Variants in LHFPL2 observed in about 807,000 individuals in gnomAD.
The protein encoded by LHFPL2 is LHFPL tetraspan subfamily member 2 protein.
Under a neutral mutation model 17.5 loss-of-function variants are expected in LHFPL2, and 7 were observed. The observed-to-expected ratio is 0.40, with a 90% confidence interval of 0.23 to 0.75. The LOEUF (loss-of-function observed/expected upper bound fraction) is 0.75. Ranked by LOEUF, LHFPL2 falls within the 30% of genes least tolerant of loss-of-function variation. The pLI is 0.37. For missense variants in LHFPL2, 241 were observed against 294.8 expected (o/e 0.82, Z 1.34); for synonymous variants, 134 against 116.2 (o/e 1.15, Z -0.99).
At chr5:78,493,960 A>G (rs1199657599) in intron 4 of LHFPL2, among the ~76,000 whole-genome samples, 2 of 152,206 alleles carry the variant, frequency 1.3e-5, no homozygotes, top group Non-Finnish European at 2.9e-5. Context: ...GGTTACGTCC[A>G]GAGGCCAAAT....
At chr5:78,528,549 G>C (rs1451609398) in intron 3 of LHFPL2, among the ~76,000 whole-genome samples, 1 of 152,158 alleles carries the variant, frequency 6.6e-6, no homozygotes, top group Non-Finnish European at 1.5e-5. Context: ...GTGCCAAAAA[G>C]GTTGGGGACC....
At chr5:78,634,054 T>A (rs144799098) in intron 1 of LHFPL2, among the ~76,000 whole-genome samples, 1 of 152,270 alleles carries the variant, frequency 6.6e-6, no homozygotes, top group East Asian at 1.9e-4. Flanking sequence ...AGAGCCCAGT[T>A]TATCTGCCTC....
At chr5:78,502,063 C>A (rs1754792518) in intron 4 of LHFPL2, among the ~76,000 whole-genome samples, 1 of 151,884 alleles carries the variant, frequency 6.6e-6, no homozygotes, top group Admixed American at 6.6e-5. Context: ...GTAAGATATC[C>A]ATTTTCTACT....
chr5:78,578,936 G>C (rs772680076), intron 2 of LHFPL2, among the ~76,000 whole-genome samples: 1 of 152,200 alleles, frequency 6.6e-6, no homozygotes, highest in East Asian at 1.9e-4. Context: ...ACCAAGTCTT[G>C]CTCCCTGCTC....
At chr5:78,603,721 AT>A (rs1428327130) in intron 2 of LHFPL2, among the ~76,000 whole-genome samples, 12 of 152,298 alleles carry the variant, frequency 7.9e-5, no homozygotes, top group African/African-American at 2.2e-4. Context: ...CTACTAAAAA[AT>A]TTTTTTCAGT....
At chr5:78,601,078 G>A (rs546895539) in intron 2 of LHFPL2, among the ~76,000 whole-genome samples, 1 of 152,304 alleles carries the variant, frequency 6.6e-6, no homozygotes, top group African/African-American at 2.4e-5. Flanking sequence ...GGCCCTGGGG[G>A]TACTCAAGTC....
chr5:78,600,241 T>C (rs1743965135), intron 2 of LHFPL2, among the ~76,000 whole-genome samples: 2 of 151,618 alleles, frequency 1.3e-5, no homozygotes. Flanking sequence ...GCAAACTAGA[T>C]ACCAATTCTA....
At chr5:78,565,919 C>T (rs981714758) in intron 2 of LHFPL2, among the ~76,000 whole-genome samples, 1 of 152,134 alleles carries the variant, frequency 6.6e-6, no homozygotes, top group Non-Finnish European at 1.5e-5. Context: ...TTAGCTTTTT[C>T]TTTTTGCACA....
At chr5:78,629,327 G>A (rs893969998) in intron 2 of LHFPL2, among the ~76,000 whole-genome samples, 12 of 152,132 alleles carry the variant, frequency 7.9e-5, no homozygotes, top group South Asian at 2.1e-4. Flanking sequence ...GTACCTGTAC[G>A]TTTTCCTGAA....
At chr5:78,519,966 C>T (rs997601626) in intron 3 of LHFPL2, among the ~76,000 whole-genome samples, 10 of 151,748 alleles carry the variant, frequency 6.6e-5, no homozygotes, top group South Asian at 2.1e-4. Context: ...CTATAAACCA[C>T]GCTCTAGCAT....
At chr5:78,578,966 G>A (rs578043358) in intron 2 of LHFPL2, among the ~76,000 whole-genome samples, 1 of 152,176 alleles carries the variant, frequency 6.6e-6, no homozygotes, top group Non-Finnish European at 1.5e-5. Context: ...ACAATCCAGT[G>A]GCAGAGAGAG....
chr5:78,564,152 C>A lies in LHFPL2; in HGVS notation c.-186+661G>T, dbSNP rs144407010. On this transcript the variant is annotated intron_variant, in intron 3 of 4. Coordinates refer to ENST00000380345, the MANE Select transcript of LHFPL2 (RefSeq NM_005779.3). ...CAGTTTATAATAAGACCTGAGAGGA[C>A]CTGGCTGAATAGGCTTCTCCCTTGG... 8.7e-3 allele frequency among the ~76,000 whole-genome samples: 1,324 copies of A among 152,166 alleles called. 20 individuals carry two copies. Among genetic ancestry groups the A allele is most frequent in the Middle Eastern group, 0.01 (3 of 294 alleles).
At chr5:78,592,588 C>T (rs1743666472) in intron 2 of LHFPL2, among the ~76,000 whole-genome samples, 1 of 151,908 alleles carries the variant, frequency 6.6e-6, no homozygotes, top group South Asian at 2.1e-4. Context: ...TAAGTTCTGC[C>T]TGATTACTCT....
intron 3 of LHFPL2, among the ~76,000 whole-genome samples, chr5:78,552,993 C>T (rs867780516): frequency 3.3e-5 from 5 of 152,260 alleles, no homozygotes; most frequent in African/African-American, 4.8e-5. Context: ...GTTGTTCCTA[C>T]GATGGCAGGA....
At chr5:78,618,685 A>C (rs972914337) in intron 2 of LHFPL2, among the ~76,000 whole-genome samples, 10 of 152,194 alleles carry the variant, frequency 6.6e-5, no homozygotes, top group Admixed American at 1.3e-4. Context: ...TACTTTCGTC[A>C]TCTCTATTGG....
At chr5:78,497,605 A>C (rs548633978) in intron 4 of LHFPL2, among the ~76,000 whole-genome samples, 1 of 152,244 alleles carries the variant, frequency 6.6e-6, no homozygotes, top group Non-Finnish European at 1.5e-5. Context: ...GGATGAATGA[A>C]AAGATAAGGT....
chr5:78,603,238 G>A (rs1222726783), intron 2 of LHFPL2, among the ~76,000 whole-genome samples: 3 of 152,166 alleles, frequency 2.0e-5, no homozygotes, highest in South Asian at 2.1e-4. Flanking sequence ...CTGAGGCTCC[G>A]CAGGGTTAAG....
At chr5:78,517,444 A>G (rs1225951416) in intron 3 of LHFPL2, among the ~76,000 whole-genome samples, 1 of 152,220 alleles carries the variant, frequency 6.6e-6, no homozygotes, top group Non-Finnish European at 1.5e-5. Flanking sequence ...AGGCATCTGT[A>G]TTAGTCTGTT....
At chr5:78,643,660 C>T (rs185994756) in intron 1 of LHFPL2, among the ~76,000 whole-genome samples, 155 of 152,234 alleles carry the variant, frequency 1.0e-3, no homozygotes, top group African/African-American at 3.7e-3. Flanking sequence ...ACACTACTAA[C>T]CCCATATATT....
Sources: allele counts gnomAD v4.1 joint callset (sites outside exome capture counted in the v4.1 genomes callset), GRCh38; gene constraint gnomAD v4.1.1; transcripts MANE v1.5; gene names NCBI Gene and HGNC (gene_info 2026-07-23, HGNC 2026-07-21).